The following CASK variants were observed in gnomAD, a reference collection of about 807,000 sequenced individuals.
CASK encodes the protein peripheral plasma membrane protein CASK.
CASK carries 4 observed loss-of-function variants against 82.9 expected under a neutral mutation model. The observed-to-expected ratio is 0.05, with a 90% CI of 0.02 to 0.11. The LOEUF is 0.11. Ranked by LOEUF, CASK falls within the 10% of genes least tolerant of loss-of-function variation. The probability of loss-of-function intolerance (pLI) is 1.00; values close to 1 mark genes in which losing one functional copy is unlikely to be tolerated. For synonymous variants in CASK, 259 were observed against 253.5 expected (o/e 1.02, Z -0.20); for missense variants, 358 against 720.9 (o/e 0.50, Z 5.76).
At chrX:41,569,896 C>T (rs367880500) in intron 15 of CASK, 150 bp from the exon 16 acceptor site, 7 of 428,120 alleles carry the variant, frequency 1.6e-5, no homozygotes, top group South Asian at 1.3e-4. Context: ...ATCCAGTATG[C>T]CACGCACACA....
At chrX:41,740,780 C>T (rs1252693826) in intron 4 of CASK, among the ~76,000 whole-genome samples, 7 of 112,753 alleles carry the variant, frequency 6.2e-5, no homozygotes, top group Non-Finnish European at 9.4e-5. Context: ...ATCATTAGCT[C>T]TGATGTTTTA....
chrX:41,566,125 A>G (rs993505895), intron 16 of CASK, among the ~76,000 whole-genome samples: 1 of 111,744 alleles, frequency 8.9e-6, no homozygotes, highest in African/African-American at 3.3e-5. Context: ...CACAGCCAAT[A>G]TCATACTGAA....
chrX:41,695,428 G>T (rs1399181802), intron 5 of CASK: 1 of 360,141 alleles, frequency 2.8e-6, no homozygotes, highest in Admixed American at 4.9e-5. Context: ...CAATCCTTCT[G>T]CTGTAGCCTC....
intron 2 of CASK, among the ~76,000 whole-genome samples, chrX:41,847,699 C>T (rs1187122116): frequency 8.9e-6 from 1 of 112,120 alleles, no homozygotes; most frequent in East Asian, 2.8e-4. Flanking sequence ...TTTATTGTTG[C>T]TGTTTATTGT....
chrX:41,583,513 T>C (rs1410875173), intron 14 of CASK, among the ~76,000 whole-genome samples: 2 of 110,976 alleles, frequency 1.8e-5, no homozygotes, highest in Non-Finnish European at 3.8e-5. Flanking sequence ...CTCGCCTCAC[T>C]GAAACCTCTG....
chrX:41,715,799 A>C (rs1030638159), intron 5 of CASK, among the ~76,000 whole-genome samples: 1 of 111,840 alleles, frequency 8.9e-6, no homozygotes, highest in African/African-American at 3.3e-5. Flanking sequence ...TCTTAGGCAC[A>C]AAATGCCAAT....
intron 5 of CASK, among the ~76,000 whole-genome samples, chrX:41,692,395 C>T (rs1415137287): frequency 9.0e-6 from 1 of 111,645 alleles, no homozygotes; most frequent in East Asian, 2.8e-4. Flanking sequence ...ACTGATAATC[C>T]CTTCTACAAA....
chrX:41,778,158 T>C (rs2147811580), intron 3 of CASK, among the ~76,000 whole-genome samples: 1 of 112,008 alleles, frequency 8.9e-6, no homozygotes, highest in Non-Finnish European at 1.9e-5. Flanking sequence ...AATTAAGACA[T>C]TATTTTTTGT....
intron 5 of CASK, chrX:41,675,864 A>C: frequency 8.3e-7 from 1 of 1,203,176 alleles, no homozygotes; most frequent in East Asian, 3.0e-5. Flanking sequence ...CTGTCTTTGT[A>C]TGACTCTTCA....
intron 2 of CASK, among the ~76,000 whole-genome samples, chrX:41,805,281 G>T (rs1157910782): frequency 8.9e-6 from 1 of 111,816 alleles, no homozygotes; most frequent in Non-Finnish European, 1.9e-5. Flanking sequence ...ATTAAAAAAG[G>T]TTTTTTTGTG....
chrX:41,660,375 C>T (rs2067013752), intron 8 of CASK, 64 bp downstream of exon 8: 13 of 958,745 alleles, frequency 1.4e-5, no homozygotes, highest in Admixed American at 4.6e-5. Context: ...CATAGAGCAA[C>T]GCATTCCTGT....
chrX:41,666,429 C>T (rs970532489), intron 6 of CASK, among the ~76,000 whole-genome samples: 2 of 112,059 alleles, frequency 1.8e-5, no homozygotes, highest in African/African-American at 6.5e-5. Flanking sequence ...AGCCACCTCC[C>T]TTCCTCCCTC....
At chrX:41,668,926 G>A (rs1167707807) in intron 6 of CASK, among the ~76,000 whole-genome samples, 4 of 109,723 alleles carry the variant, frequency 3.6e-5, no homozygotes, top group Non-Finnish European at 7.6e-5. Flanking sequence ...ATGGGGTTTC[G>A]CCATGTTGCC....
Position 41,768,377 on chromosome X carries a change from T to C in CASK, c.278+18801A>G, listed in dbSNP as rs140262961. 9.5e-4 allele frequency among the ~76,000 whole-genome samples: 106 copies of C among 111,845 alleles called. 2 individuals are homozygous for C. In the East Asian group the frequency reaches 0.025, roughly 26 times the overall value. On this transcript the variant is annotated intron_variant, in intron 3 of 26. Coordinates refer to ENST00000378163, the MANE Select transcript of CASK (RefSeq NM_001367721.1). ...CTAAGTGGACAGAGCTAGGAATGTA[T>C]GTGTACTAACTCATGTATGCACATA...
chrX:41,574,190 A>G (rs752290536), intron 15 of CASK, among the ~76,000 whole-genome samples: 4 of 110,812 alleles, frequency 3.6e-5, no homozygotes, highest in South Asian at 7.8e-4. Flanking sequence ...ACTCTGTCCT[A>G]TGAACTCTAG....
intron 2 of CASK, among the ~76,000 whole-genome samples, chrX:41,840,616 T>C (rs1157738387): frequency 8.9e-6 from 1 of 112,188 alleles, no homozygotes; most frequent in African/African-American, 3.2e-5. Flanking sequence ...TGGTAGGATG[T>C]TGAACAGGAG....
intron 5 of CASK, among the ~76,000 whole-genome samples, chrX:41,691,454 A>G (rs2067556480): frequency 8.9e-6 from 1 of 111,927 alleles, no homozygotes; most frequent in African/African-American, 3.2e-5. Flanking sequence ...ATAGAACTCA[A>G]TATTAATAAA....
chrX:41,528,677 A>C (rs965904631), intron 25 of CASK, among the ~76,000 whole-genome samples: 12 of 112,154 alleles, frequency 1.1e-4, no homozygotes, highest in African/African-American at 3.9e-4. Flanking sequence ...TTGTTGGATT[A>C]AATTGTCTGT....
At chrX:41,918,997 CT>C (rs2072739488) in intron 1 of CASK, among the ~76,000 whole-genome samples, 1 of 112,194 alleles carries the variant, frequency 8.9e-6, no homozygotes, top group South Asian at 3.7e-4. Flanking sequence ...AGAACCACTA[CT>C]TTAAACTAAT....
Sources: gnomAD v4.1 joint callset for allele counts (sites outside exome capture counted in the v4.1 genomes callset) on GRCh38, gnomAD v4.1.1 for gene constraint, MANE v1.5 for transcripts, NCBI Gene and HGNC (gene_info 2026-07-23, HGNC 2026-07-21) for gene names.